Variants in SCUBE3 observed in about 807,000 individuals in gnomAD.
SCUBE3 encodes the protein signal peptide, CUB domain and EGF like domain containing 3.
SCUBE3 carries 33 observed loss-of-function variants against 116.8 expected under a neutral mutation model. That is an observed-to-expected ratio of 0.28 (90% CI 0.21 to 0.38). SCUBE3 has a LOEUF of 0.38. SCUBE3 is among the 10% of genes least tolerant of loss of function. SCUBE3 has a pLI of 1.00. For missense variants in SCUBE3, 1,007 were observed against 1,324.8 expected, an observed-to-expected ratio of 0.76 and a Z score of 3.72; for synonymous variants, 418 against 496.9, an observed-to-expected ratio of 0.84 and a Z score of 2.11.
rs1783420693 is a variant in SCUBE3, at chr6:35,228,758, A to T, written c.334+19A>T. 1 of 1,612,828 alleles carries T rather than the reference A, an allele frequency of 6.2e-7. No homozygotes were observed. Among genetic ancestry groups the T allele is most frequent in the African/African-American group, 1.3e-5 (1 of 74,826 alleles). The stretch of plus-strand genomic sequence containing the variant: ...TGTCTGGGTAAGCAAAGGAGAGGGG[A>T]TTTGGTGGAGGGATGTCTTGTGGAG... On this transcript the variant is annotated intron_variant, in intron 3 of 21. Transcript: ENST00000274938. This position sits in a 1 kb window ranked among gnomAD's most constrained non-coding sequence, Gnocchi z 4.9.
At chr6:35,242,871 A>G in intron 14 of SCUBE3, 91 bp downstream of exon 14, 1 of 1,535,494 alleles carries the variant, frequency 6.5e-7, no homozygotes, top group African/African-American at 1.4e-5. Flanking sequence ...GAAGGGATGG[A>G]GCCTGTACTA....
chr6:35,247,173 G>A (rs1319443067), intron 21 of SCUBE3, among the ~76,000 whole-genome samples: 1 of 152,078 alleles, frequency 6.6e-6, no homozygotes, highest in Non-Finnish European at 1.5e-5. Context: ...GGTGGATCAT[G>A]CCTGTAATCC....
At position 35,231,469 on chromosome 6, in the gene SCUBE3, G is replaced by A. The variant is rs1349644607; in HGVS notation, c.335-256G>A. On this transcript the variant is annotated intron_variant, in intron 3 of 21. Transcript: ENST00000274938. This position sits in a 1 kb window ranked among gnomAD's most constrained non-coding sequence, Gnocchi z 4.2. ...GTTTACACAGGTGAGGGAAAGGGAG[G>A]CATGGCTTCACCTAGGTGACATTTG... is the stretch of plus-strand genomic sequence containing the variant. Among the ~76,000 whole-genome samples the A allele has an allele frequency of 1.3e-5, 2 of 152,160 alleles. No homozygotes were observed. Among genetic ancestry groups the A allele is most frequent in the Non-Finnish European group, 2.9e-5 (2 of 68,028 alleles).
rs1486993602 is a variant in SCUBE3 at position 35,251,703 on chromosome 6, A to T, written c.*2998A>T. ...GGCTTCTTAATTGATGTCAAGGCAG[A>T]TCTTGGTGAGCAGGTAAAAACCTGC... On this transcript the variant is annotated 3_prime_UTR_variant, in exon 22 of 22. Coordinates refer to ENST00000274938, the MANE Select transcript of SCUBE3 (RefSeq NM_152753.4). 6.6e-6 allele frequency: 1 copy of T among 152,242 alleles called. No individual in the cohort carries two copies. The highest frequency in any genetic ancestry group is 1.5e-5 in the Non-Finnish European group (1 of 68,042). 9.4% of individuals were successfully genotyped at this position (152,242 alleles called of 1,614,324 possible).
Position 35,240,994 on chromosome 6 carries a change from T to G in SCUBE3, c.1070-147T>G. On this transcript the variant is annotated intron_variant, in intron 9 of 21. Coordinates refer to ENST00000274938, the MANE Select transcript of SCUBE3 (RefSeq NM_152753.4). This position sits in a 1 kb window ranked among gnomAD's most constrained non-coding sequence, Gnocchi z 4.6. ...AGTATTTATGTGCCTATAGGCACAC[T>G]GTTGTACAGTAGATCTCTCGAACTT... 1 of 729,140 alleles carries G rather than the reference T, an allele frequency of 1.4e-6. No individual in the cohort carries two copies. Among genetic ancestry groups the G allele is most frequent in the Non-Finnish European group, 2.3e-6 (1 of 435,584 alleles). The allele number at this position is 729,140 out of a possible 1,614,324, so 45.2% of individuals were successfully genotyped here.
chr6:35,246,013 G>A lies in SCUBE3; in HGVS notation c.2669G>A (p.Arg890His), dbSNP rs565121178. 29 of 1,614,004 alleles carry A rather than the reference G, an allele frequency of 1.8e-5. No homozygotes were observed. Among genetic ancestry groups the A allele is most frequent in the South Asian group, 4.4e-5 (4 of 91,082 alleles). ...TYERPIAFTA[R>H]SRKLWINFKT... ...GAGCGTCCCATTGCCTTCACTGCCC[G>A]TTCCAGGAAGCTCTGGATCAACTTC... is the stretch of plus-strand genomic sequence containing the variant. Residue 890 changes from arginine (R) to histidine (H), a missense_variant, in exon 20 of 22, where the codon CGT (arginine) becomes CAT (histidine). Transcript: ENST00000274938.
At position 35,243,590 on chromosome 6, in the gene SCUBE3, T is replaced by C; in HGVS notation, c.1910-4T>C. The C allele has an allele frequency of 6.2e-7, 1 of 1,602,698 alleles. No individual in the cohort carries two copies. Among genetic ancestry groups the C allele is most frequent in the South Asian group, 1.1e-5 (1 of 90,062 alleles). On this transcript the variant is annotated splice_region_variant and splice_polypyrimidine_tract_variant and intron_variant, in intron 15 of 21. Transcript: ENST00000274938. This position sits in a 1 kb window ranked among gnomAD's most constrained non-coding sequence, Gnocchi z 6.6. ...GGTGGCTAGCGCGGCCGACTCTCCC[T>C]CAGTCAGCTGCCCGCAGGGAACGTA...
In SCUBE3 at chr6:35,242,182, TGA is replaced by T; in HGVS notation, c.1418-20_1418-19del. The stretch of plus-strand genomic sequence containing the variant: ...CCTCCATGGGCATCCCATACTGTGC[TGA>T]GTTTCTACCATCCCTCTAGAGGCTG... On this transcript the variant is annotated intron_variant, in intron 12 of 21. Transcript: ENST00000274938. The T allele has an allele frequency of 1.3e-6, 2 of 1,559,198 alleles. No individual in the cohort carries two copies. Among genetic ancestry groups the T allele is most frequent in the Non-Finnish European group, 1.8e-6 (2 of 1,130,130 alleles).
chr6:35,216,861 T>C (rs997164743), intron 1 of SCUBE3, among the ~76,000 whole-genome samples: 1 of 151,628 alleles, frequency 6.6e-6, no homozygotes, highest in Non-Finnish European at 1.5e-5. Flanking sequence ...ACCAAAGTCA[T>C]GTGGAAGGGG....
At chr6:35,216,948 C>T (rs1417088177) in intron 1 of SCUBE3, among the ~76,000 whole-genome samples, 1 of 151,828 alleles carries the variant, frequency 6.6e-6, no homozygotes, top group Non-Finnish European at 1.5e-5. Context: ...AGGTTCACCA[C>T]AGTTACCCAC....
Position 35,233,151 on chromosome 6 carries a change from C to G in SCUBE3, c.596-34C>G, listed in dbSNP as rs753258202. On this transcript the variant is annotated intron_variant, in intron 5 of 21. Transcript: ENST00000274938. This position sits in a 1 kb window ranked among gnomAD's most constrained non-coding sequence, Gnocchi z 5.7. ...GGAAAACTGTGGATGCAGGGAGGAG[C>G]AAGCTGACAGGGCCCTGTCCTCTCT... 1 of 1,547,574 alleles carries G rather than the reference C, an allele frequency of 6.5e-7. No individual in the cohort carries two copies. Among genetic ancestry groups the G allele is most frequent in the Non-Finnish European group, 8.9e-7 (1 of 1,121,188 alleles).
intron 1 of SCUBE3, among the ~76,000 whole-genome samples, chr6:35,215,757 C>G (rs1467696235): frequency 1.3e-5 from 2 of 152,196 alleles, no homozygotes; most frequent in African/African-American, 4.8e-5. Flanking sequence ...CAGCTAACCT[C>G]TTCCCCCTCC....
rs763652859 is a variant in SCUBE3 at position 35,245,383 on chromosome 6, T to C, written c.2557T>C (p.Ser853Pro). 2 of 1,614,156 alleles carry C rather than the reference T, an allele frequency of 1.2e-6. No individual in the cohort carries two copies. The highest frequency in any genetic ancestry group is 1.3e-5 in the African/African-American group (1 of 75,042). The change falls in exon 19 of 22, where the codon TCT becomes CCT. Residue 853 changes from serine to proline, a missense_variant. Physicochemically the swap from Ser to Pro is moderately conservative, Grantham distance 74 (BLOSUM62 -1). Around this residue, in one of 5 missense-constraint regions of SCUBE3, gnomAD observed 118 missense variants for 196.6 expected, o/e 0.60. Transcript: ENST00000274938. The surrounding 1 kb of genome is among the most constrained non-coding windows in gnomAD (Gnocchi z 4.2). The stretch of plus-strand genomic sequence containing the variant: ...CGTGGTACCAGAGATCTTCCTGCCA[T>C]CTGAGGATGAGTGTGGGGACGTCCT... ...LIVVPEIFLPSEDECGDVLVM... is the reference protein window; with the variant it reads ...LIVVPEIFLPPEDECGDVLVM...
rs542546181 is a variant in SCUBE3, at chr6:35,240,205, G to A, written c.953-169G>A. On this transcript the variant is annotated intron_variant, in intron 8 of 21. Transcript: ENST00000274938. The surrounding 1 kb of genome is among the most constrained non-coding windows in gnomAD (Gnocchi z 4.6). ...ATTCCAAGGACTTCAAATAGAGGGG[G>A]CAGAGAAGATGGAATGGCATTGTTA... 6.4e-4 allele frequency among the ~76,000 whole-genome samples: 98 copies of A among 152,300 alleles called. No homozygotes were observed. The highest frequency in any genetic ancestry group is 2.3e-3 in the African/African-American group (95 of 41,552).
In SCUBE3 at chr6:35,241,879, T is replaced by G; in HGVS notation, c.1386T>G (p.Asn462Lys). 6.2e-7 allele frequency: 1 copy of G among 1,611,134 alleles called. No homozygotes were observed. Among genetic ancestry groups the G allele is most frequent in the Middle Eastern group, 1.6e-4 (1 of 6,062 alleles). The change falls in exon 12 of 22, where the codon AAT becomes AAG. Residue 462 changes from asparagine (N) to lysine (K), a missense_variant. This residue lies in a region of SCUBE3 where 544 missense variants were observed against 638.9 expected (regional missense o/e 0.85). Transcript: ENST00000274938. This position sits in a 1 kb window ranked among gnomAD's most constrained non-coding sequence, Gnocchi z 4.1. ...PRAAPARAGH[N>K]GNSTNSNHCH... ...CTGCTCCAGCCCGAGCTGGCCACAATGGGAACAGCACCAACTCCAACCACT... is the reference window on the plus strand; with the variant it reads ...CTGCTCCAGCCCGAGCTGGCCACAAGGGGAACAGCACCAACTCCAACCACT...
chr6:35,226,882 A>C (rs1455387544), intron 1 of SCUBE3, among the ~76,000 whole-genome samples: 1 of 152,184 alleles, frequency 6.6e-6, no homozygotes, highest in African/African-American at 2.4e-5. Flanking sequence ...AGCTAGGGCC[A>C]GGAGACAGAG....
intron 13 of SCUBE3, 49 bp downstream of exon 13, chr6:35,242,369 TC>T (rs1784109278): frequency 1.0e-5 from 13 of 1,287,324 alleles, no homozygotes; most frequent in Non-Finnish European, 1.5e-5. Context: ...CACTAAATCC[TC>T]CTTACCCCTC....
Position 35,231,955 on chromosome 6 carries a change from C to T in SCUBE3, c.469+96C>T. ...GCCCCTAAGTCTCACCCTCCATTCTCAACTCAGCTAGCTCCTTCTTCTCTT... is the reference window on the plus strand; with the variant it reads ...GCCCCTAAGTCTCACCCTCCATTCTTAACTCAGCTAGCTCCTTCTTCTCTT... On this transcript the variant is annotated intron_variant, in intron 4 of 21. Transcript: ENST00000274938. The surrounding 1 kb of genome is among the most constrained non-coding windows in gnomAD (Gnocchi z 4.2). 2 of 1,036,972 alleles carry T rather than the reference C, an allele frequency of 1.9e-6. No homozygotes were observed. Among genetic ancestry groups the T allele is most frequent in the Non-Finnish European group, 2.8e-6 (2 of 708,752 alleles). The allele number at this position is 1,036,972 out of a possible 1,614,324, so 64.2% of individuals were successfully genotyped here. A position where few individuals can be genotyped will look rare whatever the true frequency, so the allele number is the denominator to read the frequency against.
chr6:35,247,454 A>AAT (rs3045129), intron 21 of SCUBE3, among the ~76,000 whole-genome samples: 1 of 151,070 alleles, frequency 6.6e-6, no homozygotes, highest in Non-Finnish European at 1.5e-5. Context: ...AAAAAAAAAA[A>AAT]GGAAACTATA....
Sources: allele counts gnomAD v4.1 joint callset (sites outside exome capture counted in the v4.1 genomes callset), GRCh38; gene constraint gnomAD v4.1.1; regional missense constraint gnomAD v4.1.1; non-coding constraint Gnocchi (gnomAD v3.1); transcripts MANE v1.5; gene names NCBI Gene and HGNC (gene_info 2026-07-23, HGNC 2026-07-21).